Variants in KAT6B observed in about 807,000 individuals in gnomAD.
KAT6B encodes the protein lysine acetyltransferase 6B, also known as histone acetyltransferase KAT6B.
Under a neutral mutation model 187.5 loss-of-function variants are expected in KAT6B, and 10 were observed. The observed-to-expected ratio is 0.05, with a 90% CI of 0.03 to 0.09. The LOEUF (loss-of-function observed/expected upper bound fraction) is 0.09, where lower values mean the gene tolerates loss of function less well. Ranked by LOEUF, KAT6B falls within the 10% of genes least tolerant of loss-of-function variation. KAT6B has a pLI of 1.00. For synonymous variants in KAT6B, 861 were observed against 926.8 expected, an observed-to-expected ratio of 0.93 and a Z score of 1.29; for missense variants, 1,952 against 2,558.9, an observed-to-expected ratio of 0.76 and a Z score of 5.12.
chr10:74,958,625 A>C (rs1415693611), intron 3 of KAT6B, among the ~76,000 whole-genome samples: 1 of 152,242 alleles, frequency 6.6e-6, no homozygotes, highest in African/African-American at 2.4e-5. Flanking sequence ...TGCTGATAGT[A>C]GTAAATAACA....
Position 74,975,670 on chromosome 10 carries a change from T to C in KAT6B, c.1333T>C (p.Ser445Pro), listed in dbSNP as rs1340685179. 6.2e-7 allele frequency: 1 copy of C among 1,614,060 alleles called. No homozygotes were observed. The highest frequency in any genetic ancestry group is 8.5e-7 in the Non-Finnish European group (1 of 1,180,044). ...IDGLTKFFTP[S>P]PDGRRSRGEI... ...TGGCCTTACTAAGTTTTTTACACCATCACCTGATGGTCGCAGATCACGAGG... is the reference window on the plus strand; with the variant it reads ...TGGCCTTACTAAGTTTTTTACACCACCACCTGATGGTCGCAGATCACGAGG... The change falls in exon 8 of 18, where the codon TCA (serine) becomes CCA (proline). Residue 445 changes from serine to proline, a missense_variant. Around this residue, in one of 9 missense-constraint regions of KAT6B, gnomAD observed 417 missense variants for 508.9 expected, o/e 0.82. Coordinates refer to ENST00000287239, the MANE Select transcript of KAT6B (RefSeq NM_012330.4).
At chr10:75,007,529 A>G (rs913029372) in intron 13 of KAT6B, among the ~76,000 whole-genome samples, 19 of 152,174 alleles carry the variant, frequency 1.2e-4, no homozygotes, top group African/African-American at 3.4e-4. Context: ...AAAAAAATGC[A>G]AGAGATTATT....
At chr10:74,864,294 C>CCT (rs1843398605) in intron 3 of KAT6B, among the ~76,000 whole-genome samples, 1 of 152,074 alleles carries the variant, frequency 6.6e-6, no homozygotes, top group Non-Finnish European at 1.5e-5. Flanking sequence ...GGTTGGAGTG[C>CCT]AGTGGCGCGA....
intron 13 of KAT6B, among the ~76,000 whole-genome samples, chr10:75,003,770 G>T (rs1844014977): frequency 6.6e-6 from 1 of 152,138 alleles, no homozygotes; most frequent in Non-Finnish European, 1.5e-5. Flanking sequence ...GTTGAAAATT[G>T]AGCTCTCAGT....
In KAT6B at chr10:74,951,506, G is replaced by A. The variant is rs190463127; in HGVS notation, c.622-8464G>A. 2.8e-4 allele frequency among the ~76,000 whole-genome samples: 42 copies of A among 152,104 alleles called. No individual in the cohort carries two copies. The East Asian group carries it at 8.1e-3, about 29-fold the overall frequency. ...AAGAAATAGCGGGACTGGGGAGGGG[G>A]AGTGCCACCACAACTAGGTGCTGGC... On this transcript the variant is annotated intron_variant, in intron 3 of 17. Coordinates refer to ENST00000287239, the MANE Select transcript of KAT6B (RefSeq NM_012330.4).
At chr10:74,955,383 T>TTCC (rs1840601518) in intron 3 of KAT6B, among the ~76,000 whole-genome samples, 4 of 101,422 alleles carry the variant, frequency 3.9e-5, no homozygotes, top group African/African-American at 1.2e-4. Flanking sequence ...CACAATTTTA[T>TTCC]CCCCCCCCCC....
chr10:74,864,287 T>G (rs1195070286), intron 3 of KAT6B, among the ~76,000 whole-genome samples: 1 of 152,146 alleles, frequency 6.6e-6, no homozygotes, highest in Admixed American at 6.5e-5. Flanking sequence ...TCGCCTAGGT[T>G]GGAGTGCAGT....
chr10:74,977,336 A>C lies in KAT6B; in HGVS notation c.2014A>C (p.Ile672Leu). 1 of 1,613,668 alleles carries C rather than the reference A, an allele frequency of 6.2e-7. No individual in the cohort carries two copies. The highest frequency in any genetic ancestry group is 8.5e-7 in the Non-Finnish European group (1 of 1,179,684). The change falls in exon 9 of 18, where the codon ATC becomes CTC. Residue 672 changes from isoleucine (I) to leucine (L), a missense_variant. By Grantham distance (5) the Ile-to-Leu change is conservative. This residue lies in a region of KAT6B where 417 missense variants were observed against 508.9 expected (regional missense o/e 0.82). Coordinates refer to ENST00000287239, the MANE Select transcript of KAT6B (RefSeq NM_012330.4). Reference protein sequence around the residue: ...QDDDTEIKINIKQESADVNVI... With the variant: ...QDDDTEIKINLKQESADVNVI... ...GACAGATACTGAAATAAAAATAAAC[A>C]TCAAACAAGAAAGTGCAGATGTAAA...
At chr10:74,904,478 C>T (rs1307067826) in intron 3 of KAT6B, among the ~76,000 whole-genome samples, 3 of 152,238 alleles carry the variant, frequency 2.0e-5, no homozygotes, top group Admixed American at 2.0e-4. Context: ...ATCTCCCACA[C>T]ACTTTTGGTC....
chr10:74,886,062 A>G lies in KAT6B; in HGVS notation c.621+42584A>G, dbSNP rs16931803. ...AGCTCTTTCTAAGGGAGTAGCTTAG[A>G]GCACAGAATGCCAACTGGGTTATCA... On this transcript the variant is annotated intron_variant, in intron 3 of 17. Coordinates refer to ENST00000287239, the MANE Select transcript of KAT6B (RefSeq NM_012330.4). Among the ~76,000 whole-genome samples the G allele has an allele frequency of 4.9e-3, 749 of 152,266 alleles. 10 individuals are homozygous for G. Among genetic ancestry groups the G allele is most frequent in the East Asian group, 0.016 (85 of 5,176 alleles).
chr10:74,875,773 CT>C (rs1273281154), intron 3 of KAT6B, among the ~76,000 whole-genome samples: 1 of 152,090 alleles, frequency 6.6e-6, no homozygotes, highest in Admixed American at 6.6e-5. Flanking sequence ...GCCTGTCTTC[CT>C]TTTTCTCAAA....
chr10:75,030,961 T>C lies in KAT6B; in HGVS notation c.6137T>C (p.Met2046Thr). Residue 2046 changes from methionine (M) to threonine (T), a missense_variant, in exon 18 of 18, where the codon ATG becomes ACG. Physicochemically the swap from Met to Thr is moderately conservative, Grantham distance 81. This residue lies in a region of KAT6B where 358 missense variants were observed against 436.3 expected (regional missense o/e 0.82). Coordinates refer to ENST00000287239, the MANE Select transcript of KAT6B (RefSeq NM_012330.4). The surrounding 1 kb of genome is among the most constrained non-coding windows in gnomAD (Gnocchi z 4.8). ...ATGCAGACCCCACCCCACGGTAACA[T>C]GATGTACACGGCCCCCGGACATCAC... ...QPMQTPPHGNMMYTAPGHHGY... is the reference protein window; with the variant it reads ...QPMQTPPHGNTMYTAPGHHGY... The C allele has an allele frequency of 3.7e-6, 6 of 1,614,092 alleles. No homozygotes were observed. The highest frequency in any genetic ancestry group is 5.1e-6 in the Non-Finnish European group (6 of 1,180,028).
At chr10:74,883,483 C>T (rs765987025) in intron 3 of KAT6B, among the ~76,000 whole-genome samples, 8 of 152,136 alleles carry the variant, frequency 5.3e-5, no homozygotes, top group Non-Finnish European at 1.2e-4. Flanking sequence ...CTCCTGTTCC[C>T]CTCTGGCAGT....
At chr10:75,017,549 G>A (rs1320206944) in intron 13 of KAT6B, among the ~76,000 whole-genome samples, 1 of 152,142 alleles carries the variant, frequency 6.6e-6, no homozygotes, top group Non-Finnish European at 1.5e-5. Context: ...GGGAAGCGGA[G>A]GTTGCATCGA....
chr10:74,865,992 C>T (rs976008575), intron 3 of KAT6B, among the ~76,000 whole-genome samples: 1 of 152,096 alleles, frequency 6.6e-6, no homozygotes, highest in African/African-American at 2.4e-5. Context: ...TTCATGGATG[C>T]AAAATGCACA....
intron 3 of KAT6B, among the ~76,000 whole-genome samples, chr10:74,931,404 T>C (rs2133177655): frequency 6.6e-6 from 1 of 152,240 alleles, no homozygotes; most frequent in South Asian, 2.1e-4. Context: ...CCTTCAAGAC[T>C]CACCTCCTTA....
intron 3 of KAT6B, among the ~76,000 whole-genome samples, chr10:74,942,014 G>C (rs986755615): frequency 6.6e-6 from 1 of 152,174 alleles, no homozygotes; most frequent in Non-Finnish European, 1.5e-5. Context: ...GCCAGGCATG[G>C]TGTCAGGTGC....
At chr10:74,908,589 T>A (rs1846965292) in intron 3 of KAT6B, among the ~76,000 whole-genome samples, 2 of 152,008 alleles carry the variant, frequency 1.3e-5, no homozygotes, top group African/African-American at 4.8e-5. Flanking sequence ...AAACTCCTTT[T>A]CTTTATAAGT....
At chr10:74,936,885 G>A (rs916389663) in intron 3 of KAT6B, among the ~76,000 whole-genome samples, 4 of 152,338 alleles carry the variant, frequency 2.6e-5, no homozygotes, top group Middle Eastern at 3.4e-3. Flanking sequence ...TATTAGAGAA[G>A]TTATGAAGGA....
Sources: allele counts gnomAD v4.1 joint callset (sites outside exome capture counted in the v4.1 genomes callset), GRCh38; gene constraint gnomAD v4.1.1; regional missense constraint gnomAD v4.1.1; non-coding constraint Gnocchi (gnomAD v3.1); transcripts MANE v1.5; gene names NCBI Gene and HGNC (gene_info 2026-07-23, HGNC 2026-07-21).